The following ZNF248 variants were observed in gnomAD, a reference collection of about 807,000 sequenced individuals.
ZNF248 encodes zinc finger protein 248.
A neutral mutation model predicts 44.3 loss-of-function variants in ZNF248; 20 were observed. The ratio of observed to expected loss-of-function variants is 0.45; its 90% confidence interval spans 0.32 to 0.66. The LOEUF (loss-of-function observed/expected upper bound fraction) is 0.66, where lower values mean the gene tolerates loss of function less well. Ranked by LOEUF, ZNF248 falls within the 30% of genes least tolerant of loss-of-function variation. The pLI, the probability that ZNF248 is intolerant of heterozygous loss-of-function variation, is 0.04. For missense variants in ZNF248, 654 were observed against 677.0 expected, an observed-to-expected ratio of 0.97 and a Z score of 0.38; for synonymous variants, 224 against 229.0, an observed-to-expected ratio of 0.98 and a Z score of 0.20.
At chr10:37,836,696 AAC>A (rs1346933860) in intron 5 of ZNF248, among the ~76,000 whole-genome samples, 3 of 151,790 alleles carry the variant, frequency 2.0e-5, no homozygotes, top group Non-Finnish European at 4.4e-5. Context: ...ACCATGACCC[AAC>A]ACAGTGTGTG....
intron 6 of ZNF248, among the ~76,000 whole-genome samples, chr10:37,786,909 T>A (rs1208776): frequency 6.6e-6 from 1 of 152,188 alleles, no homozygotes; most frequent in Non-Finnish European, 1.5e-5. Context: ...GTAGCTCATG[T>A]TTTAGGTGTC....
chr10:37,835,494 A>T (rs1481903851), intron 5 of ZNF248, among the ~76,000 whole-genome samples: 1 of 152,196 alleles, frequency 6.6e-6, no homozygotes, highest in Non-Finnish European at 1.5e-5. Flanking sequence ...TTATTGTCCC[A>T]AGACTACTCT....
downstream of ZNF248, among the ~76,000 whole-genome samples, chr10:37,825,427 G>C (rs769288854): frequency 6.6e-6 from 1 of 152,060 alleles, no homozygotes; most frequent in Admixed American, 6.6e-5. Flanking sequence ...AATGGTGGGC[G>C]CACATTTCCA....
At chr10:37,851,888 T>A (rs923692967) in intron 3 of ZNF248, among the ~76,000 whole-genome samples, 51 of 151,502 alleles carry the variant, frequency 3.4e-4, no homozygotes, top group African/African-American at 1.2e-3. Context: ...TTCACAGCAG[T>A]TTTATTTTTC....
At chr10:37,769,227 A>C in the ZNF248 span, among the ~76,000 whole-genome samples, 3 of 152,334 alleles carry the variant, frequency 2.0e-5, no homozygotes, top group Admixed American at 2.0e-4. Flanking sequence ...TTCTGAAACT[A>C]TTCCAATCAA....
chr10:37,799,208 T>A (rs1747727002), intron 6 of ZNF248, among the ~76,000 whole-genome samples: 1 of 152,104 alleles, frequency 6.6e-6, no homozygotes, highest in Admixed American at 6.6e-5. Flanking sequence ...TTAAGAATCA[T>A]GCCTTTTAAA....
chr10:37,831,776 T>A lies in ZNF248; in HGVS notation c.1579A>T (p.Lys527Ter). Residue 527 changes from lysine to a stop codon, truncating the protein, a stop_gained, in exon 6 of 6, where the codon AAA (lysine) becomes TAA (stop). Coordinates refer to ENST00000395867, the MANE Select transcript of ZNF248 (RefSeq NM_021045.3). LOFTEE classifies it high-confidence loss of function. ...EKPYKCNECG[K>*]TFCEKSALTK... ...AGAGCTGATTTTTCACAGAAGGTTT[T>A]CCCACATTCATTACACTTATATGGT... 6.2e-7 allele frequency: 1 copy of A among 1,613,360 alleles called. No homozygotes were observed. The highest frequency in any genetic ancestry group is 8.5e-7 in the Non-Finnish European group (1 of 1,179,356).
chr10:37,763,155 G>T, the ZNF248 span, among the ~76,000 whole-genome samples: 2 of 152,212 alleles, frequency 1.3e-5, no homozygotes, highest in Non-Finnish European at 2.9e-5. Flanking sequence ...ATATTTGGAA[G>T]AAGGGGTCGG....
Position 37,832,690 on chromosome 10 carries a change from C to T in ZNF248, c.665G>A (p.Gly222Asp), listed in dbSNP as rs2133930749. 2 of 1,613,448 alleles carry T rather than the reference C, an allele frequency of 1.2e-6. No homozygotes were observed. The highest frequency in any genetic ancestry group is 2.2e-5 in the East Asian group (1 of 44,866). The part of the protein sequence containing the change: ...QSFEYSKNGQ[G>D]FHDEAAFFTN... ...AAAAAATGCTGCCTCATCATGGAAG[C>T]CTTGTCCATTTTTACTATACTCAAA... Residue 222 changes from glycine (G) to aspartate (D), a missense_variant, in exon 6 of 6, where the codon GGC (glycine) becomes GAC (aspartate). By Grantham distance (94) the Gly-to-Asp change is moderately conservative. Coordinates refer to ENST00000395867, the MANE Select transcript of ZNF248 (RefSeq NM_021045.3).
intron 6 of ZNF248, among the ~76,000 whole-genome samples, chr10:37,778,214 T>C (rs1216994140): frequency 6.6e-6 from 1 of 151,376 alleles, no homozygotes; most frequent in Non-Finnish European, 1.5e-5. Flanking sequence ...CCTGACTTTT[T>C]AATGATCGCC....
At chr10:37,795,854 C>T (rs573341124) in intron 6 of ZNF248, 17 of 152,128 alleles carry the variant, frequency 1.1e-4, no homozygotes, top group Non-Finnish European at 2.4e-4. Flanking sequence ...ATGCCTTCCA[C>T]GTAAAGTCTT....
chr10:37,775,489 C>A (rs1222420045), downstream of ZNF248: 3 of 152,120 alleles, frequency 2.0e-5, no homozygotes, highest in African/African-American at 7.2e-5. Flanking sequence ...CTGCTGCCCA[C>A]CAACTGGTTA....
chr10:37,819,161 G>A (rs1758359121), intron 6 of ZNF248: 1 of 787,814 alleles, frequency 1.3e-6, no homozygotes, highest in East Asian at 2.5e-5. Context: ...GTGTATGATG[G>A]GAGGTTTTAT....
chr10:37,824,401 A>G (rs1363744811), downstream of ZNF248, among the ~76,000 whole-genome samples: 1 of 152,146 alleles, frequency 6.6e-6, no homozygotes, highest in African/African-American at 2.4e-5. Flanking sequence ...GCATCTGGGC[A>G]CCCCATGACC....
At chr10:37,848,777 G>T (rs1219914099) in intron 3 of ZNF248, among the ~76,000 whole-genome samples, 1 of 152,146 alleles carries the variant, frequency 6.6e-6, no homozygotes, top group African/African-American at 2.4e-5. Context: ...TACCTATTAT[G>T]TTTCCTTACC....
chr10:37,812,171 A>G (rs1208696), intron 6 of ZNF248, among the ~76,000 whole-genome samples: 9,109 of 152,168 alleles, frequency 0.06, 352 homozygotes, highest in Middle Eastern at 0.095. Flanking sequence ...CAGGAGGTCA[A>G]GTCTGCAGTG....
the ZNF248 span, among the ~76,000 whole-genome samples, chr10:37,768,192 C>A: frequency 6.6e-6 from 1 of 152,074 alleles, no homozygotes; most frequent in African/African-American, 2.4e-5. Flanking sequence ...CTTTAACACC[C>A]CACTGACAAC....
rs2055291208 is a variant in ZNF248, at chr10:37,830,350, G to C, written c.*1265C>G. 1.0e-6 allele frequency: 1 copy of C among 985,202 alleles called. No individual in the cohort carries two copies. Among genetic ancestry groups the C allele is most frequent in the Non-Finnish European group, 1.2e-6 (1 of 829,938 alleles). 61.0% of individuals were successfully genotyped at this position (985,202 alleles called of 1,614,324 possible). ...GGCCATATTCATGCATATATGCCAG[G>C]AAACAGTCAGAGGAAAGGTACGTGA... On this transcript the variant is annotated 3_prime_UTR_variant, in exon 6 of 6. Transcript: ENST00000395867.
At chr10:37,845,916 G>C (rs1263334620) in intron 3 of ZNF248, among the ~76,000 whole-genome samples, 25 of 152,158 alleles carry the variant, frequency 1.6e-4, no homozygotes, top group Admixed American at 1.6e-3. Context: ...CCAAGTCTCA[G>C]GATGAATATG....
Sources: allele counts gnomAD v4.1 joint callset (sites outside exome capture counted in the v4.1 genomes callset), GRCh38; gene constraint gnomAD v4.1.1; transcripts MANE v1.5; gene names NCBI Gene and HGNC (gene_info 2026-07-23, HGNC 2026-07-21).